The following PPP1R9A variants were observed in gnomAD, a reference collection of about 807,000 sequenced individuals.
PPP1R9A encodes the protein neurabin-1.
A neutral mutation model predicts 141.9 loss-of-function variants in PPP1R9A; 59 were observed. That is an observed-to-expected ratio of 0.42 (90% CI 0.34 to 0.52). The LOEUF is 0.52. Among genes scored for constraint, PPP1R9A ranks in the 20% least tolerant of loss-of-function variants. The pLI is 0.10. For missense variants in PPP1R9A, 1,444 were observed against 1,611.9 expected, an observed-to-expected ratio of 0.90 and a Z score of 1.78; for synonymous variants, 500 against 569.7, an observed-to-expected ratio of 0.88 and a Z score of 1.74.
intron 2 of PPP1R9A, among the ~76,000 whole-genome samples, chr7:95,011,643 C>G (rs947947826): frequency 6.6e-6 from 1 of 152,122 alleles, no homozygotes; most frequent in Admixed American, 6.6e-5. Context: ...CTGGAGAGAA[C>G]AACTTTCAGT....
intron 8 of PPP1R9A, among the ~76,000 whole-genome samples, chr7:95,243,660 G>A (rs1160678305): frequency 6.6e-6 from 1 of 152,106 alleles, no homozygotes; most frequent in Non-Finnish European, 1.5e-5. Flanking sequence ...GAGGAACAGA[G>A]GTAGGAAGAG....
chr7:95,071,343 A>G (rs1813788193), intron 2 of PPP1R9A, among the ~76,000 whole-genome samples: 1 of 152,018 alleles, frequency 6.6e-6, no homozygotes, highest in African/African-American at 2.4e-5. Context: ...AAACAAGCTC[A>G]CTAGGGTGAT....
chr7:94,969,166 A>G (rs1364724812), intron 2 of PPP1R9A, among the ~76,000 whole-genome samples: 4 of 151,932 alleles, frequency 2.6e-5, no homozygotes, highest in African/African-American at 9.7e-5. Context: ...CTCATTCTCC[A>G]TCCAGTTTTG....
intron 4 of PPP1R9A, among the ~76,000 whole-genome samples, chr7:95,134,933 GT>G (rs1563289159): frequency 1.3e-3 from 199 of 152,216 alleles, no homozygotes; most frequent in African/African-American, 4.3e-3. Context: ...TTAAAAAACA[GT>G]ATTATACGTT....
intron 9 of PPP1R9A, 73 bp from the exon 10 acceptor site, chr7:95,249,953 A>G: frequency 6.8e-7 from 1 of 1,471,614 alleles, no homozygotes; most frequent in Non-Finnish European, 9.0e-7. Context: ...GATCTACAAC[A>G]TGCTATAAAA....
At chr7:95,187,858 C>G (rs1014624526) in intron 5 of PPP1R9A, among the ~76,000 whole-genome samples, 13 of 152,052 alleles carry the variant, frequency 8.5e-5, no homozygotes, top group Admixed American at 8.5e-4. Context: ...CCCCTGTGGT[C>G]TGAGAGGGCA....
chr7:95,210,001 T>C (rs1311285607), intron 7 of PPP1R9A, among the ~76,000 whole-genome samples: 1 of 152,154 alleles, frequency 6.6e-6, no homozygotes, highest in Non-Finnish European at 1.5e-5. Context: ...GACTGCCAGT[T>C]TGAATTTGCA....
intron 2 of PPP1R9A, among the ~76,000 whole-genome samples, chr7:95,075,353 G>GA (rs987297642): frequency 2.7e-4 from 41 of 151,762 alleles, no homozygotes; most frequent in African/African-American, 8.2e-4. Flanking sequence ...TGTAGGGGAG[G>GA]AAAAAAAAGT....
intron 1 of PPP1R9A, among the ~76,000 whole-genome samples, 183 bp from the exon 2 acceptor site, chr7:94,909,715 T>C (rs2150575434): frequency 6.6e-6 from 1 of 152,100 alleles, no homozygotes; most frequent in South Asian, 2.1e-4. Flanking sequence ...ACTTTTTTTT[T>C]TTTTTTTTTA....
chr7:95,160,733 G>A (rs1430237659), intron 4 of PPP1R9A, among the ~76,000 whole-genome samples: 2 of 151,984 alleles, frequency 1.3e-5, no homozygotes, highest in African/African-American at 4.8e-5. Flanking sequence ...ATGTCCATGA[G>A]TTCCCAATGT....
chr7:95,006,588 A>G (rs990303100), intron 2 of PPP1R9A, among the ~76,000 whole-genome samples: 1 of 152,220 alleles, frequency 6.6e-6, no homozygotes, highest in African/African-American at 2.4e-5. Context: ...GATCCTAAAT[A>G]TAAAGTGCAT....
intron 2 of PPP1R9A, among the ~76,000 whole-genome samples, chr7:95,085,140 A>G (rs1432457822): frequency 1.3e-5 from 2 of 152,022 alleles, no homozygotes; most frequent in Non-Finnish European, 2.9e-5. Flanking sequence ...CTAGTAAAGT[A>G]GGACCCTATG....
chr7:95,032,239 T>A (rs1807789040), intron 2 of PPP1R9A, among the ~76,000 whole-genome samples: 1 of 152,178 alleles, frequency 6.6e-6, no homozygotes, highest in Admixed American at 6.6e-5. Context: ...CTTGGTTGCA[T>A]AAAATTATGG....
chr7:95,064,861 A>G (rs1299794401), intron 2 of PPP1R9A, among the ~76,000 whole-genome samples: 1 of 152,312 alleles, frequency 6.6e-6, no homozygotes, highest in African/African-American at 2.4e-5. Flanking sequence ...AAATGACTTT[A>G]CTGTAACATC....
chr7:94,964,934 CCCA>C (rs1403313924), intron 2 of PPP1R9A, among the ~76,000 whole-genome samples: 3 of 152,184 alleles, frequency 2.0e-5, no homozygotes, highest in Non-Finnish European at 2.9e-5. Context: ...AACTTACACT[CCCA>C]CCAACAGTGT....
At chr7:95,031,245 A>G (rs566716420) in intron 2 of PPP1R9A, among the ~76,000 whole-genome samples, 1 of 152,330 alleles carries the variant, frequency 6.6e-6, no homozygotes, top group East Asian at 1.9e-4. Flanking sequence ...TTTAATTCCT[A>G]ACGTTGGCAG....
In PPP1R9A at chr7:95,247,541, A is replaced by G. The variant is rs762439992; in HGVS notation, c.2166+15A>G. On this transcript the variant is annotated intron_variant, in intron 9 of 19. Transcript: ENST00000433360. ...TGAAGACCAAGGTAAGCACCGAAAC[A>G]TGGTGTTTGAATTTTACTTTTTAAA... 2.5e-6 allele frequency: 4 copies of G among 1,591,022 alleles called. No homozygotes were observed. The Admixed American group carries it at 5.1e-5, about 20-fold the overall frequency.
Position 95,120,548 on chromosome 7 carries a change from C to T in PPP1R9A, c.1529-164C>T, listed in dbSNP as rs943771198. On this transcript the variant is annotated intron_variant, in intron 3 of 19. Transcript: ENST00000433360. Reference sequence around the variant, plus strand: ...CCTTTTGGAGGATCTCATTAGATACCCTTACTGCGTAGCTTAGAAAAGAAT... The same window carrying T: ...CCTTTTGGAGGATCTCATTAGATACTCTTACTGCGTAGCTTAGAAAAGAAT... 2.6e-5 allele frequency among the ~76,000 whole-genome samples: 4 copies of T among 152,016 alleles called. No homozygotes were observed. In the South Asian group the frequency reaches 8.3e-4, roughly 32 times the overall value.
chr7:95,293,415 T>A lies in PPP1R9A; in HGVS notation c.*3112T>A, dbSNP rs1219958109. On this transcript the variant is annotated 3_prime_UTR_variant, in exon 20 of 20. Transcript: ENST00000433360. ...GTTTCATGACAATAAAGCTGTTCTG[T>A]GGCTATCATCCTTTAGCTGGGATTG... The A allele has an allele frequency of 6.6e-6, 1 of 152,200 alleles. No individual in the cohort carries two copies. Among genetic ancestry groups the A allele is most frequent in the East Asian group, 1.9e-4 (1 of 5,196 alleles). 9.4% of individuals were successfully genotyped at this position (152,200 alleles called of 1,614,324 possible).
Sources: allele counts gnomAD v4.1 joint callset (sites outside exome capture counted in the v4.1 genomes callset), GRCh38; gene constraint gnomAD v4.1.1; transcripts MANE v1.5; gene names NCBI Gene and HGNC (gene_info 2026-07-23, HGNC 2026-07-21).